Variants in EFCAB6 observed in about 807,000 individuals in gnomAD.
EFCAB6 encodes EF-hand calcium binding domain 6.
In EFCAB6, 156 loss-of-function variants were observed where a neutral mutation model predicts 169.8. That is an observed-to-expected ratio of 0.92 (90% CI 0.81 to 1.05). The LOEUF (loss-of-function observed/expected upper bound fraction) is 1.05. EFCAB6 is among the 50% of genes least tolerant of loss of function. The pLI is 0.00. For missense variants in EFCAB6, 1,800 were observed against 1,829.1 expected, an observed-to-expected ratio of 0.98 and a Z score of 0.29; for synonymous variants, 698 against 676.4, an observed-to-expected ratio of 1.03 and a Z score of -0.50.
chr22:43,692,543 A>G (rs1263892882), intron 10 of EFCAB6, among the ~76,000 whole-genome samples: 1 of 152,186 alleles, frequency 6.6e-6, no homozygotes, highest in Non-Finnish European at 1.5e-5. Flanking sequence ...AAACAGATAC[A>G]ATAAAAAGAA....
intron 26 of EFCAB6, among the ~76,000 whole-genome samples, chr22:43,560,968 A>C (rs1261054709): frequency 6.6e-6 from 1 of 152,068 alleles, no homozygotes; most frequent in African/African-American, 2.4e-5. Context: ...GGTGCTGGGC[A>C]CCTATCAGCC....
intron 12 of EFCAB6, among the ~76,000 whole-genome samples, chr22:43,682,962 G>A (rs1441600102): frequency 6.6e-6 from 1 of 152,080 alleles, no homozygotes; most frequent in East Asian, 1.9e-4. Context: ...CACAAACCTG[G>A]AAGCCACCCC....
chr22:43,589,957 T>C (rs1317231118), intron 24 of EFCAB6, 117 bp downstream of exon 24: 1 of 1,317,634 alleles, frequency 7.6e-7, no homozygotes, highest in Non-Finnish European at 1.0e-6. Flanking sequence ...CAGGAAGACA[T>C]GGAGGGTATT....
At chr22:43,662,750 G>A (rs1192179867) in intron 17 of EFCAB6, among the ~76,000 whole-genome samples, 1 of 152,162 alleles carries the variant, frequency 6.6e-6, no homozygotes, top group Non-Finnish European at 1.5e-5. Context: ...CAATTACTCA[G>A]CAAACCTAGT....
chr22:43,581,056 A>G (rs2050689698), intron 24 of EFCAB6, among the ~76,000 whole-genome samples: 1 of 152,324 alleles, frequency 6.6e-6, no homozygotes, highest in African/African-American at 2.4e-5. Flanking sequence ...TTTGCATAGC[A>G]GCATCATGGG....
intron 21 of EFCAB6, among the ~76,000 whole-genome samples, chr22:43,610,924 TC>T (rs1201412459): frequency 1.3e-5 from 2 of 152,104 alleles, no homozygotes; most frequent in Non-Finnish European, 2.9e-5. Flanking sequence ...CAAATCACTG[TC>T]CCCAAAACTG....
intron 17 of EFCAB6, among the ~76,000 whole-genome samples, chr22:43,650,825 A>G (rs549365264): frequency 5.9e-5 from 9 of 152,300 alleles, no homozygotes; most frequent in African/African-American, 1.7e-4. Flanking sequence ...ATTTTAGCAA[A>G]AAGACTGGCA....
intron 8 of EFCAB6, among the ~76,000 whole-genome samples, chr22:43,730,484 G>T (rs1365295192): frequency 6.6e-6 from 1 of 151,404 alleles, no homozygotes; most frequent in Non-Finnish European, 1.5e-5. Context: ...ATAGAGGCAG[G>T]GTGTATTCCT....
intron 5 of EFCAB6, chr22:43,759,306 G>T (rs1028142787): frequency 6.6e-6 from 1 of 152,148 alleles, no homozygotes; most frequent in African/African-American, 2.4e-5. Context: ...AGAATTCTCA[G>T]GTTCTTTAGG....
intron 3 of EFCAB6, among the ~76,000 whole-genome samples, chr22:43,774,646 A>G (rs1472845539): frequency 6.6e-6 from 1 of 151,568 alleles, no homozygotes; most frequent in Admixed American, 6.6e-5. Context: ...GGAGCACGGG[A>G]GACCTAAACA....
In EFCAB6 at chr22:43,626,681, T is replaced by A. The variant is rs755022783; in HGVS notation, c.2233-2A>T. On this transcript the variant is annotated splice_acceptor_variant, in intron 19 of 31. Transcript: ENST00000262726. LOFTEE classifies it high-confidence loss of function. ...TTTAAAGAAGGCAGAGTAGGGGTCC[T>A]AAAAACAAAACACACACGTCAAAGC... is the stretch of plus-strand genomic sequence containing the variant. 1.9e-5 allele frequency: 30 copies of A among 1,613,878 alleles called. No homozygotes were observed. In the Admixed American group the frequency reaches 4.8e-4, roughly 26 times the overall value.
At chr22:43,533,637 G>A (rs1241671098) in intron 30 of EFCAB6, 1 of 152,222 alleles carries the variant, frequency 6.6e-6, no homozygotes, top group African/African-American at 2.4e-5. Flanking sequence ...CGCAGCCCTT[G>A]CCTCCCAGGT....
intron 8 of EFCAB6, among the ~76,000 whole-genome samples, chr22:43,723,630 C>T (rs981120185): frequency 6.6e-6 from 1 of 152,314 alleles, no homozygotes; most frequent in South Asian, 2.1e-4. Context: ...AGGTGGAGCC[C>T]ACTCTGCCTC....
At chr22:43,625,122 G>C (rs1467610996) in intron 20 of EFCAB6, among the ~76,000 whole-genome samples, 1 of 151,806 alleles carries the variant, frequency 6.6e-6, no homozygotes, top group Non-Finnish European at 1.5e-5. Context: ...TAAAACCTAT[G>C]AATTCAGGGA....
intron 5 of EFCAB6, among the ~76,000 whole-genome samples, chr22:43,762,242 A>C (rs377355552): frequency 4.6e-5 from 7 of 152,214 alleles, no homozygotes; most frequent in African/African-American, 1.7e-4. Context: ...ATGAAGGTTT[A>C]TATTTGTAAT....
chr22:43,665,298 A>G (rs2057196610), intron 17 of EFCAB6, among the ~76,000 whole-genome samples: 1 of 152,128 alleles, frequency 6.6e-6, no homozygotes, highest in South Asian at 2.1e-4. Context: ...AACTGAGCTG[A>G]TGACCCAAAG....
rs2051958158 is a variant in EFCAB6, at chr22:43,595,847, A to C, written c.2876+4222T>G. On this transcript the variant is annotated intron_variant, in intron 23 of 31. Coordinates refer to ENST00000262726, the MANE Select transcript of EFCAB6 (RefSeq NM_022785.4). ...GATGAACATACATGTAGAAATCCTC[A>C]ACAAAATACTAGCAAACCAAATTCA... Among the ~76,000 whole-genome samples, 3 of 152,200 alleles carry C rather than the reference A, an allele frequency of 2.0e-5. No individual in the cohort carries two copies. The South Asian group carries it at 6.2e-4, about 32-fold the overall frequency.
intron 8 of EFCAB6, among the ~76,000 whole-genome samples, chr22:43,725,223 C>A (rs942428366): frequency 9.2e-5 from 14 of 151,510 alleles, no homozygotes; most frequent in Non-Finnish European, 4.4e-5. Context: ...TCATTGTAAC[C>A]CCCCGCCTAC....
intron 10 of EFCAB6, among the ~76,000 whole-genome samples, chr22:43,688,080 A>G (rs910968215): frequency 6.6e-6 from 1 of 152,190 alleles, no homozygotes; most frequent in Admixed American, 6.5e-5. Flanking sequence ...CATTCTTAAA[A>G]TTGGAGAGCT....
Sources: allele counts gnomAD v4.1 joint callset (sites outside exome capture counted in the v4.1 genomes callset), GRCh38; gene constraint gnomAD v4.1.1; transcripts MANE v1.5; gene names NCBI Gene and HGNC (gene_info 2026-07-23, HGNC 2026-07-21).